The following MAD1L1 variants were observed in gnomAD, a reference collection of about 807,000 sequenced individuals.
MAD1L1 encodes mitotic arrest deficient 1 like 1, also known as mitotic spindle assembly checkpoint protein MAD1.
MAD1L1 carries 95 observed loss-of-function variants against 96.9 expected under a neutral mutation model. The observed-to-expected ratio is 0.98, with a 90% CI of 0.83 to 1.16. MAD1L1 has a LOEUF of 1.16. MAD1L1 is among the 50% of genes most tolerant of loss of function. MAD1L1 has a pLI of 0.00. For synonymous variants in MAD1L1, 473 were observed against 396.6 expected (o/e 1.19, Z -2.29); for missense variants, 1,007 against 954.4 (o/e 1.06, Z -0.73).
At chr7:1,871,721 A>ACCTGCCACGCTGAACCCAACATACG (rs1435977041) in intron 18 of MAD1L1, among the ~76,000 whole-genome samples, 8 of 135,754 alleles carry the variant, frequency 5.9e-5, no homozygotes, top group Admixed American at 5.1e-4. Flanking sequence ...GCCAACATAC[A>ACCTGCCACGCTGAACCCAACATACG]CCTGCCACGC....
At chr7:1,938,571 G>A (rs1369747284) in intron 16 of MAD1L1, among the ~76,000 whole-genome samples, 1 of 151,882 alleles carries the variant, frequency 6.6e-6, no homozygotes, top group African/African-American at 2.4e-5. Context: ...ATAACCAAGG[G>A]CATGTCAGAA....
chr7:2,225,671 T>G, intron 3 of MAD1L1, 121 bp from the exon 4 acceptor site: 2 of 1,114,638 alleles, frequency 1.8e-6, no homozygotes, highest in Non-Finnish European at 2.6e-6. Flanking sequence ...GTGCTAAGTC[T>G]TGATGTGGCC....
At chr7:2,149,003 T>A in intron 11 of MAD1L1, 149 bp downstream of exon 11, 1 of 683,886 alleles carries the variant, frequency 1.5e-6, no homozygotes, top group Non-Finnish European at 2.6e-6. Flanking sequence ...TTCCCTCAAA[T>A]CCCTGCTCCC....
chr7:1,860,142 C>T (rs1279911669), intron 18 of MAD1L1, among the ~76,000 whole-genome samples: 4 of 138,504 alleles, frequency 2.9e-5, no homozygotes, highest in Non-Finnish European at 4.7e-5. Context: ...TCTGGCGGGG[C>T]GGCCTCTGTC....
chr7:1,929,325 G>A (rs566342979), intron 17 of MAD1L1, among the ~76,000 whole-genome samples: 2 of 152,304 alleles, frequency 1.3e-5, no homozygotes, highest in African/African-American at 2.4e-5. Context: ...CCTTCAATGT[G>A]CTGCTAAGAT....
intron 13 of MAD1L1, among the ~76,000 whole-genome samples, chr7:2,013,117 T>A (rs994687358): frequency 4.6e-5 from 7 of 152,202 alleles, no homozygotes; most frequent in Non-Finnish European, 7.4e-5. Flanking sequence ...AGAGGCTCTG[T>A]CAGACTTTCC....
chr7:1,887,862 CGT>C (rs1241718410), intron 18 of MAD1L1, among the ~76,000 whole-genome samples: 4 of 14,828 alleles, frequency 2.7e-4, no homozygotes, highest in Non-Finnish European at 4.2e-4. Flanking sequence ...TGTGTGTGCA[CGT>C]GTGTGTGCAA....
At chr7:2,051,200 C>G (rs551331312) in intron 12 of MAD1L1, among the ~76,000 whole-genome samples, 157 of 152,260 alleles carry the variant, frequency 1.0e-3, no homozygotes, top group African/African-American at 3.7e-3. Context: ...CTTGTGTCCC[C>G]CCGAGGCTGG....
intron 18 of MAD1L1, among the ~76,000 whole-genome samples, chr7:1,864,578 C>T (rs936867943): frequency 2.6e-5 from 4 of 152,260 alleles, no homozygotes; most frequent in African/African-American, 4.8e-5. Context: ...GACATCCACA[C>T]GAGCTGATGC....
chr7:2,137,145 AACAGAAGTTCAGGGC>A (rs1361745968), intron 11 of MAD1L1, among the ~76,000 whole-genome samples: 1 of 152,168 alleles, frequency 6.6e-6, no homozygotes. Flanking sequence ...TAAGCAAGGA[AACAGAAGTTCAGGGC>A]ACCAAAATAC....
chr7:2,116,742 G>A (rs1787725342), intron 11 of MAD1L1, among the ~76,000 whole-genome samples: 2 of 152,332 alleles, frequency 1.3e-5, no homozygotes, highest in South Asian at 4.1e-4. Context: ...AGACCCAACG[G>A]GGAGGAAGGC....
At chr7:2,227,767 T>G (rs1434377992) in intron 3 of MAD1L1, among the ~76,000 whole-genome samples, 1 of 152,188 alleles carries the variant, frequency 6.6e-6, no homozygotes. Flanking sequence ...CTCACTTCTG[T>G]GTCTGCAGTC....
intron 18 of MAD1L1, among the ~76,000 whole-genome samples, chr7:1,888,551 AGCAT>A (rs1322884279): frequency 1.5e-5 from 2 of 130,370 alleles, no homozygotes; most frequent in Non-Finnish European, 3.3e-5. Context: ...CGTGTGTGTG[AGCAT>A]GCATGCATGT....
intron 15 of MAD1L1, among the ~76,000 whole-genome samples, chr7:1,963,186 C>T (rs568847153): frequency 6.6e-6 from 1 of 152,290 alleles, no homozygotes; most frequent in South Asian, 2.1e-4. Flanking sequence ...CAGAAAAACT[C>T]CAAATGTCCA....
At chr7:2,054,469 T>A (rs1289632584) in intron 12 of MAD1L1, among the ~76,000 whole-genome samples, 2 of 152,128 alleles carry the variant, frequency 1.3e-5, no homozygotes, top group Non-Finnish European at 2.9e-5. Flanking sequence ...CACAGCCAGG[T>A]CCAGCTCCCT....
chr7:2,073,049 G>T (rs1258221713), intron 11 of MAD1L1, among the ~76,000 whole-genome samples: 1 of 152,208 alleles, frequency 6.6e-6, no homozygotes, highest in Non-Finnish European at 1.5e-5. Flanking sequence ...CCAGGAACTG[G>T]ATGTGGCCTG....
intron 18 of MAD1L1, among the ~76,000 whole-genome samples, chr7:1,869,862 G>A (rs1272204507): frequency 6.6e-6 from 1 of 152,196 alleles, no homozygotes; most frequent in Non-Finnish European, 1.5e-5. Flanking sequence ...GCAGGTTCAG[G>A]TCCAGCTGCT....
Position 1,816,207 on chromosome 7 carries a change from T to C in MAD1L1, c.2020A>G (p.Lys674Glu), listed in dbSNP as rs1311206238. 1 of 1,612,432 alleles carries C rather than the reference T, an allele frequency of 6.2e-7. No individual in the cohort carries two copies. Among genetic ancestry groups the C allele is most frequent in the East Asian group, 2.2e-5 (1 of 44,766 alleles). The change falls in exon 19 of 19, where the codon AAG becomes GAG. Residue 674 changes from lysine (K) to glutamate (E), a missense_variant. Lys to Glu is a moderately conservative substitution (Grantham distance 56). Coordinates refer to ENST00000265854, the MANE Select transcript of MAD1L1 (RefSeq NM_001013836.2). ...AACTCTGTCTCCAGTAGCTGCATCT[T>C]GGAACCCGAGGGGCTGGTGGCCTGC... is the stretch of plus-strand genomic sequence containing the variant. The part of the protein sequence containing the change: ...IFKATSPSGS[K>E]MQLLETEFSH...
intron 11 of MAD1L1, among the ~76,000 whole-genome samples, chr7:2,147,064 G>C (rs990855457): frequency 1.3e-5 from 2 of 152,328 alleles, no homozygotes; most frequent in African/African-American, 4.8e-5. Context: ...CCTTGGTCGG[G>C]AAGTGTCCAC....
Sources: allele counts gnomAD v4.1 joint callset (sites outside exome capture counted in the v4.1 genomes callset), GRCh38; gene constraint gnomAD v4.1.1; transcripts MANE v1.5; gene names NCBI Gene and HGNC (gene_info 2026-07-23, HGNC 2026-07-21).